Variants in AGRN observed in about 807,000 individuals in gnomAD.
AGRN encodes agrin, also known as agrin proteoglycan.
A neutral mutation model predicts 211.0 loss-of-function variants in AGRN; 106 were observed. That is an observed-to-expected ratio of 0.50 (90% CI 0.43 to 0.59). The LOEUF is 0.59. Ranked by LOEUF, AGRN falls within the 20% of genes least tolerant of loss-of-function variation. AGRN has a pLI of 0.00. For synonymous variants in AGRN, 1,525 were observed against 1,332.5 expected, an observed-to-expected ratio of 1.14 and a Z score of -3.15; for missense variants, 3,040 against 2,982.6, an observed-to-expected ratio of 1.02 and a Z score of -0.45.
rs773516836 is a variant in AGRN at position 1,053,822 on chromosome 1, C to G, written c.5721C>G (p.Leu1907=). The G allele has an allele frequency of 3.7e-6, 6 of 1,611,122 alleles. No individual in the cohort carries two copies. The South Asian group carries it at 4.4e-5, about 12-fold the overall frequency. Residue 1907 remains leucine, a synonymous_variant, in exon 34 of 36, where the codon CTC becomes CTG. Coordinates refer to ENST00000379370, the MANE Select transcript of AGRN (RefSeq NM_198576.4). ...CTGAGGCCACGCAGGGGCTGGTGCT[C>G]TGGAGTGGCAAGGCCACGGAGCGGG... ...LRTEATQGLV[L]WSGKATERAD... is the part of the protein sequence containing the mutation.
rs940581903 is a variant in AGRN at position 1,032,879 on chromosome 1, C to A, written c.464-2398C>A. Reference sequence around the variant, plus strand: ...GAGAGATTCTGGCCTCCAGGGTGGTCGGGCCTGGCATGGACTCTAGGGGAT... The same window carrying A: ...GAGAGATTCTGGCCTCCAGGGTGGTAGGGCCTGGCATGGACTCTAGGGGAT... On this transcript the variant is annotated intron_variant, in intron 2 of 35. Transcript: ENST00000379370. This position sits in a 1 kb window ranked among gnomAD's most constrained non-coding sequence, Gnocchi z 4.7. Among the ~76,000 whole-genome samples the A allele has an allele frequency of 6.6e-6, 1 of 151,962 alleles. No individual in the cohort carries two copies. Among genetic ancestry groups the A allele is most frequent in the Admixed American group, 6.5e-5 (1 of 15,276 alleles).
chr1:1,033,926 C>T (rs961794747), intron 2 of AGRN, among the ~76,000 whole-genome samples: 3 of 151,648 alleles, frequency 2.0e-5, no homozygotes, highest in Admixed American at 6.6e-5. Flanking sequence ...CCGCGGACGC[C>T]GGGGTCCCTG....
chr1:1,045,920 T>C, intron 15 of AGRN, 44 bp downstream of exon 15: 1 of 1,610,318 alleles, frequency 6.2e-7, no homozygotes, highest in Non-Finnish European at 8.5e-7. Flanking sequence ...TGGGGTGGGG[T>C]GGGGTCACCC....
chr1:1,045,523 C>T lies in AGRN; in HGVS notation c.2536C>T (p.Pro846Ser), dbSNP rs138248828. 5.0e-4 allele frequency: 808 copies of T among 1,612,576 alleles called. No individual in the cohort carries two copies. The highest frequency in any genetic ancestry group is 6.6e-4 in the Non-Finnish European group (781 of 1,179,908). The part of the protein sequence containing the change: ...IVTDGRSGCT[P>S]CSCDPQGAVR... ...CACCGATGGCCGGAGTGGCTGTACA[C>T]GTGAGTGACAGGGCCCAGGACTGGC... is the stretch of plus-strand genomic sequence containing the variant. Residue 846 changes from proline to serine, a missense_variant and splice_region_variant, in exon 14 of 36, where the codon CCC (proline) becomes TCC (serine). Transcript: ENST00000379370.
rs148518738 is a variant in AGRN, at chr1:1,050,545, C to T, written c.5095C>T (p.Arg1699Cys). 4.8e-4 allele frequency: 766 copies of T among 1,612,598 alleles called. 1 individual carries two copies. The African/African-American group carries it at 9.3e-3, about 20-fold the overall frequency. Residue 1699 changes from arginine (R) to cysteine (C), a missense_variant, in exon 29 of 36, where the codon CGC becomes TGC. Physicochemically the swap from Arg to Cys is radical, Grantham distance 180. Coordinates refer to ENST00000379370, the MANE Select transcript of AGRN (RefSeq NM_198576.4). ...CGTGTCGCTGGCACTGCGGGACCGC[C>T]GCCTGGAGTTCCGCTACGACCTGGG... Reference protein sequence around the residue: ...DFVSLALRDRRLEFRYDLGKG... With the variant: ...DFVSLALRDRCLEFRYDLGKG...
chr1:1,054,041 C>CTG, intron 34 of AGRN, 64 bp downstream of exon 34: 1 of 1,510,218 alleles, frequency 6.6e-7, no homozygotes, highest in Non-Finnish European at 9.0e-7. Context: ...CCCAGCTGGG[C>CTG]TGTGTCCAGT....
At position 1,045,819 on chromosome 1, in the gene AGRN, C is replaced by T. The variant is rs1361351936; in HGVS notation, c.2623C>T (p.Pro875Ser). Residue 875 changes from proline to serine, a missense_variant, in exon 15 of 36, where the codon CCC becomes TCC. Around this residue, in one of 3 missense-constraint regions of AGRN, gnomAD observed 1,498 missense variants for 1,457.8 expected, o/e 1.03. Transcript: ENST00000379370. ...LCSCKPGVAG[P>S]KCGQCPDGRA... Reference sequence around the variant, plus strand: ...CTCGTGTAAGCCCGGGGTGGCTGGACCCAAGTGTGGGCAGTGTCCAGACGG... The same window carrying T: ...CTCGTGTAAGCCCGGGGTGGCTGGATCCAAGTGTGGGCAGTGTCCAGACGG... The T allele has an allele frequency of 2.5e-6, 4 of 1,612,732 alleles. No individual in the cohort carries two copies. Among genetic ancestry groups the T allele is most frequent in the Non-Finnish European group, 3.4e-6 (4 of 1,179,942 alleles).
At chr1:1,041,007 C>T in intron 4 of AGRN, 127 bp downstream of exon 4, 1 of 302,432 alleles carries the variant, frequency 3.3e-6, no homozygotes. Flanking sequence ...AGGAGCGGGG[C>T]TGGGAGGGGC....
Position 1,050,284 on chromosome 1 carries a change from C to G in AGRN, c.4931C>G (p.Ser1644Cys), listed in dbSNP as rs753103771. 1 of 1,613,034 alleles carries G rather than the reference C, an allele frequency of 6.2e-7. No homozygotes were observed. The highest frequency in any genetic ancestry group is 8.5e-7 in the Non-Finnish European group (1 of 1,179,922). ...TTCCTGGCTGACTTCAACGGCTTCT[C>G]CCACCTGGAGCTGAGAGGCCTGCAC... Reference protein sequence around the residue: ...GPFLADFNGFSHLELRGLHTF... With the variant: ...GPFLADFNGFCHLELRGLHTF... The change falls in exon 28 of 36, where the codon TCC (serine) becomes TGC (cysteine). Residue 1644 changes from serine to cysteine, a missense_variant. Transcript: ENST00000379370.
intron 33 of AGRN, chr1:1,053,323 G>A (rs758353365): frequency 2.7e-6 from 2 of 736,158 alleles, no homozygotes; most frequent in Non-Finnish European, 1.9e-6. Context: ...TGGGCTCTTT[G>A]GTGGGCGGCC....
In AGRN at chr1:1,048,723, C is replaced by T. The variant is rs1223824160; in HGVS notation, c.4106-144C>T. On this transcript the variant is annotated intron_variant, in intron 23 of 35. Transcript: ENST00000379370. The surrounding 1 kb of genome is among the most constrained non-coding windows in gnomAD (Gnocchi z 5.9). ...CGGAGGTTGCGGTGAGCCAGGATCG[C>T]GCCACTGCACTCCAGCCGGGGCAAA... 2.1e-5 allele frequency: 21 copies of T among 988,902 alleles called. 1 individual carries two copies. The highest frequency in any genetic ancestry group is 5.3e-5 in the East Asian group (2 of 37,504). 61.3% of individuals were successfully genotyped at this position (988,902 alleles called of 1,614,324 possible).
chr1:1,030,165 T>C (rs1342568236), intron 2 of AGRN, among the ~76,000 whole-genome samples: 7 of 49,794 alleles, frequency 1.4e-4, no homozygotes, highest in African/African-American at 2.0e-4. Context: ...GTGTGTGCAG[T>C]GCATGGTGCT....
Position 1,044,156 on chromosome 1 carries a change from G to A in AGRN, c.2047G>A (p.Glu683Lys). The change falls in exon 11 of 36, where the codon GAG (glutamate) becomes AAG (lysine). Residue 683 changes from glutamate (E) to lysine (K), a missense_variant. By Grantham distance (56) the Glu-to-Lys change is moderately conservative (BLOSUM62 1). Coordinates refer to ENST00000379370, the MANE Select transcript of AGRN (RefSeq NM_198576.4). ...TGGCTCTGGGGAGGACGGTGACTGT[G>A]AGCAGGAGCTGTGCCGGCAGCGCGG... ...GSGSGEDGDC[E>K]QELCRQRGGI... is the part of the protein sequence containing the mutation. The A allele has an allele frequency of 1.2e-6, 2 of 1,613,314 alleles. No homozygotes were observed. Among genetic ancestry groups the A allele is most frequent in the African/African-American group, 1.3e-5 (1 of 75,032 alleles).
chr1:1,026,467 A>G (rs1305564155), intron 2 of AGRN, among the ~76,000 whole-genome samples: 1 of 152,170 alleles, frequency 6.6e-6, no homozygotes, highest in African/African-American at 2.4e-5. Context: ...CATTCCAGCC[A>G]GGCCCATGCA....
chr1:1,022,482 T>C lies in AGRN; in HGVS notation c.463+20T>C. ...TGGAAGGTGCGTGGTGGGGGGCTCG[T>C]GTGGGGGCCTGTGGGGGTCAGGGCA... On this transcript the variant is annotated intron_variant, in intron 2 of 35. Transcript: ENST00000379370. The C allele has an allele frequency of 4.4e-6, 7 of 1,586,926 alleles. No homozygotes were observed. The highest frequency in any genetic ancestry group is 6.0e-6 in the Non-Finnish European group (7 of 1,163,824).
In AGRN at chr1:1,050,310, A is replaced by G. The variant is rs1388599374; in HGVS notation, c.4957A>G (p.Thr1653Ala). 3.1e-6 allele frequency: 5 copies of G among 1,612,316 alleles called. No homozygotes were observed. The highest frequency in any genetic ancestry group is 1.3e-5 in the African/African-American group (1 of 74,622). ...CCACCTGGAGCTGAGAGGCCTGCACACCTTTGCACGGGACCTGGGGTCGGT... is the reference window on the plus strand; with the variant it reads ...CCACCTGGAGCTGAGAGGCCTGCACGCCTTTGCACGGGACCTGGGGTCGGT... ...FSHLELRGLH[T>A]FARDLGEKMA... The change falls in exon 28 of 36, where the codon ACC becomes GCC. Residue 1653 changes from threonine to alanine, a missense_variant. By Grantham distance (58) the Thr-to-Ala change is moderately conservative. Transcript: ENST00000379370.
In AGRN at chr1:1,046,045, G is replaced by C. The variant is rs763308198; in HGVS notation, c.2762G>C (p.Cys921Ser). 1.2e-6 allele frequency: 2 copies of C among 1,614,062 alleles called. No individual in the cohort carries two copies. Among genetic ancestry groups the C allele is most frequent in the Non-Finnish European group, 8.5e-7 (1 of 1,180,016 alleles). ...RCVEESGSAHCVCPMLTCPEA... is the reference protein window; with the variant it reads ...RCVEESGSAHSVCPMLTCPEA... ...GTGGAGGAGTCTGGCTCAGCCCACT[G>C]TGTCTGCCCGATGCTCACCTGTCCA... The change falls in exon 16 of 36, where the codon TGT becomes TCT. Residue 921 changes from cysteine to serine, a missense_variant. Coordinates refer to ENST00000379370, the MANE Select transcript of AGRN (RefSeq NM_198576.4).
chr1:1,054,721 G>A, intron 35 of AGRN, 103 bp from the exon 36 acceptor site: 3 of 1,506,236 alleles, frequency 2.0e-6, no homozygotes, highest in Non-Finnish European at 2.7e-6. Flanking sequence ...GGGGCCGGGA[G>A]GCGGGTGCCC....
Position 1,044,033 on chromosome 1 carries a change from G to A in AGRN, c.1999+10G>A. 1.9e-6 allele frequency: 3 copies of A among 1,610,886 alleles called. No homozygotes were observed. Among genetic ancestry groups the A allele is most frequent in the Non-Finnish European group, 2.5e-6 (3 of 1,179,668 alleles). On this transcript the variant is annotated intron_variant, in intron 10 of 35. Coordinates refer to ENST00000379370, the MANE Select transcript of AGRN (RefSeq NM_198576.4). ...GGGCCGTGCGAGCAGGGTAGGCCGGGGGACGCTGGCGAAAACTGCTGGGCT... is the reference window on the plus strand; with the variant it reads ...GGGCCGTGCGAGCAGGGTAGGCCGGAGGACGCTGGCGAAAACTGCTGGGCT...
Sources: gnomAD v4.1 joint callset for allele counts (sites outside exome capture counted in the v4.1 genomes callset) on GRCh38, gnomAD v4.1.1 for gene constraint, gnomAD v4.1.1 regional missense constraint, Gnocchi (gnomAD v3.1) non-coding constraint, MANE v1.5 for transcripts, NCBI Gene and HGNC (gene_info 2026-07-23, HGNC 2026-07-21) for gene names.